The following PDP2 variants were observed in gnomAD, a reference collection of about 807,000 sequenced individuals.
PDP2 encodes [Pyruvate dehydrogenase [acetyl-transferring]]-phosphatase 2, mitochondrial.
In PDP2, 23 loss-of-function variants were observed where a neutral mutation model predicts 34.2. The observed-to-expected ratio is 0.67, with a 90% CI of 0.48 to 0.95. PDP2 has a LOEUF of 0.95. Ranked by LOEUF, PDP2 falls within the 40% of genes least tolerant of loss-of-function variation. The pLI is 0.00. For missense variants in PDP2, 571 were observed against 659.6 expected (o/e 0.87, Z 1.47); for synonymous variants, 275 against 269.2 (o/e 1.02, Z -0.21).
At chr16:66,881,159 G>A (rs9925842) in intron 1 of PDP2, among the ~76,000 whole-genome samples, 43,248 of 152,056 alleles carry the variant, frequency 0.28, 10,771 homozygotes, top group African/African-American at 0.68. Context: ...AAGGATGCAA[G>A]AGGGTTTGCG....
At position 66,884,503 on chromosome 16, in the gene PDP2, T is replaced by C. The variant is rs751782211; in HGVS notation, c.219T>C (p.Phe73=). ...ACACATCAACAGAGGAAGATGATTT[T>C]CACTTGCAACTCAGCCCTGAGCAGA... The part of the protein sequence containing the change: ...YRHTSTEEDD[F]HLQLSPEQIN... The change falls in exon 2 of 2, where the codon TTT becomes TTC. Residue 73 remains phenylalanine (F), a synonymous_variant. Transcript: ENST00000311765. 3 of 1,614,108 alleles carry C rather than the reference T, an allele frequency of 1.9e-6. No individual in the cohort carries two copies. The Admixed American group carries it at 5.0e-5, about 27-fold the overall frequency.
At chr16:66,881,476 C>G (rs1030461070) in intron 1 of PDP2, among the ~76,000 whole-genome samples, 2 of 137,428 alleles carry the variant, frequency 1.5e-5, no homozygotes, top group Non-Finnish European at 3.1e-5. Flanking sequence ...TATTATATTC[C>G]AAGGAAAAGT....
intron 1 of PDP2, among the ~76,000 whole-genome samples, chr16:66,883,913 G>T (rs1050879919): frequency 1.3e-5 from 2 of 152,008 alleles, no homozygotes; most frequent in South Asian, 4.2e-4. Context: ...TTTGGCTCAC[G>T]CCTGTAATCC....
rs2145422246 is a variant in PDP2 at position 66,887,936 on chromosome 16, G to T, written c.*2062G>T. 7.1e-6 allele frequency: 1 copy of T among 140,940 alleles called. No homozygotes were observed. Among genetic ancestry groups the T allele is most frequent in the Admixed American group, 7.1e-5 (1 of 14,130 alleles). 8.7% of individuals were successfully genotyped at this position (140,940 alleles called of 1,614,324 possible). On this transcript the variant is annotated 3_prime_UTR_variant, in exon 2 of 2. Transcript: ENST00000311765. ...CATTGCACTCCAGCCTGGGCAACAAGAGTGAAACTCTGTCTCAAAAAAAAA... is the reference window on the plus strand; with the variant it reads ...CATTGCACTCCAGCCTGGGCAACAATAGTGAAACTCTGTCTCAAAAAAAAA...
Position 66,890,986 on chromosome 16 carries a change from T to G in PDP2, c.*5112T>G, listed in dbSNP as rs1961975554. 1 of 152,234 alleles carries G rather than the reference T, an allele frequency of 6.6e-6. No individual in the cohort carries two copies. The highest frequency in any genetic ancestry group is 1.5e-5 in the Non-Finnish European group (1 of 68,042). The allele number at this position is 152,234 out of a possible 1,614,324, so 9.4% of individuals were successfully genotyped here. A position where few individuals can be genotyped will look rare whatever the true frequency, so the allele number is the denominator to read the frequency against. On this transcript the variant is annotated 3_prime_UTR_variant, in exon 2 of 2. Coordinates refer to ENST00000311765, the MANE Select transcript of PDP2 (RefSeq NM_020786.4). ...TTACTTGGAACAATGATTAATCATG[T>G]TCTTTAATAATTGCTGACATTTGTA...
Position 66,889,666 on chromosome 16 carries a change from A to G in PDP2, c.*3792A>G, listed in dbSNP as rs1270015488. 6.6e-6 allele frequency: 1 copy of G among 152,106 alleles called. No homozygotes were observed. Among genetic ancestry groups the G allele is most frequent in the Non-Finnish European group, 1.5e-5 (1 of 68,038 alleles). 9.4% of individuals were successfully genotyped at this position (152,106 alleles called of 1,614,324 possible). ...CTTGGTAAAAATGGATAGATAAGAT[A>G]GTATTCTAAATTCAAATTCGTGGCT... On this transcript the variant is annotated 3_prime_UTR_variant, in exon 2 of 2. Coordinates refer to ENST00000311765, the MANE Select transcript of PDP2 (RefSeq NM_020786.4).
At position 66,885,704 on chromosome 16, in the gene PDP2, C is replaced by A. The variant is rs184769043; in HGVS notation, c.1420C>A (p.Leu474Met). ...GGCTGACCAAAATGCAGCCACGCGG[C>A]TGATCAGACATGCCATCGGGAACAA... Reference protein sequence around the residue: ...HEADQNAATRLIRHAIGNNEY... With the variant: ...HEADQNAATRMIRHAIGNNEY... The change falls in exon 2 of 2, where the codon CTG (leucine) becomes ATG (methionine). Residue 474 changes from leucine to methionine, a missense_variant. Coordinates refer to ENST00000311765, the MANE Select transcript of PDP2 (RefSeq NM_020786.4). The surrounding 1 kb of genome is among the most constrained non-coding windows in gnomAD (Gnocchi z 4.6). The A allele has an allele frequency of 1.9e-6, 3 of 1,614,042 alleles. No individual in the cohort carries two copies. In the East Asian group the frequency reaches 6.7e-5, roughly 36 times the overall value.
rs1961961840 is a variant in PDP2, at chr16:66,890,593, A to T, written c.*4719A>T. The T allele has an allele frequency of 6.6e-6, 1 of 152,188 alleles. No individual in the cohort carries two copies. Among genetic ancestry groups the T allele is most frequent in the Admixed American group, 6.5e-5 (1 of 15,274 alleles). The allele number at this position is 152,188 out of a possible 1,614,324, so 9.4% of individuals were successfully genotyped here. On this transcript the variant is annotated 3_prime_UTR_variant, in exon 2 of 2. Coordinates refer to ENST00000311765, the MANE Select transcript of PDP2 (RefSeq NM_020786.4). ...ATTAATTATACAGAACAAAACAAAG[A>T]TGTGTTTAGAGTGACTCTGGCCTGA...
rs1488332519 is a variant in PDP2, at chr16:66,889,675, A to C, written c.*3801A>C. ...AATGGATAGATAAGATAGTATTCTA[A>C]ATTCAAATTCGTGGCTAGGCACAGT... On this transcript the variant is annotated 3_prime_UTR_variant, in exon 2 of 2. Transcript: ENST00000311765. 2.6e-5 allele frequency: 4 copies of C among 152,074 alleles called. No homozygotes were observed. The highest frequency in any genetic ancestry group is 4.8e-5 in the African/African-American group (2 of 41,376). The allele number at this position is 152,074 out of a possible 1,614,324, so 9.4% of individuals were successfully genotyped here. A position where few individuals can be genotyped will look rare whatever the true frequency, so the allele number is the denominator to read the frequency against.
At position 66,889,198 on chromosome 16, in the gene PDP2, A is replaced by T. The variant is rs1961905699; in HGVS notation, c.*3324A>T. On this transcript the variant is annotated 3_prime_UTR_variant, in exon 2 of 2. Transcript: ENST00000311765. ...AATGAACTGAAAAATGAGATTGAAC[A>T]TTTAATATTTTGGATGTAACTTTTG... 6.6e-6 allele frequency: 1 copy of T among 152,250 alleles called. No homozygotes were observed. Among genetic ancestry groups the T allele is most frequent in the African/African-American group, 2.4e-5 (1 of 41,460 alleles). The allele number at this position is 152,250 out of a possible 1,614,324, so 9.4% of individuals were successfully genotyped here.
chr16:66,885,300 T>A lies in PDP2; in HGVS notation c.1016T>A (p.Leu339Gln). ...ACGATCATCATGGAGGACAGGCTAC[T>A]GGGCGTCCTCATCCCCTGCAGGGCC... is the stretch of plus-strand genomic sequence containing the variant. ...DRTIIMEDRL[L>Q]GVLIPCRAFG... The change falls in exon 2 of 2, where the codon CTG (leucine) becomes CAG (glutamine). Residue 339 changes from leucine to glutamine, a missense_variant. By Grantham distance (113) the Leu-to-Gln change is moderately radical. Transcript: ENST00000311765. This position sits in a 1 kb window ranked among gnomAD's most constrained non-coding sequence, Gnocchi z 4.6. 1.2e-6 allele frequency: 2 copies of A among 1,614,126 alleles called. No individual in the cohort carries two copies. The highest frequency in any genetic ancestry group is 1.7e-6 in the Non-Finnish European group (2 of 1,179,994).
At chr16:66,882,653 A>G (rs1028088285) in intron 1 of PDP2, among the ~76,000 whole-genome samples, 1 of 152,078 alleles carries the variant, frequency 6.6e-6, no homozygotes, top group African/African-American at 2.4e-5. Context: ...GCTACACAAG[A>G]TAGTATCACA....
rs144226402 is a variant in PDP2, at chr16:66,886,972, T to G, written c.*1098T>G. Reference sequence around the variant, plus strand: ...CAGGTTAATTTAGCGGATTGTGGACTTAAGATTCAACCTCTATCTGGAGAG... The same window carrying G: ...CAGGTTAATTTAGCGGATTGTGGACGTAAGATTCAACCTCTATCTGGAGAG... On this transcript the variant is annotated 3_prime_UTR_variant, in exon 2 of 2. Transcript: ENST00000311765. 240 of 169,564 alleles carry G rather than the reference T, an allele frequency of 1.4e-3. No homozygotes were observed. Among genetic ancestry groups the G allele is most frequent in the Middle Eastern group, 6.7e-3 (2 of 300 alleles). 10.5% of individuals were successfully genotyped at this position (169,564 alleles called of 1,614,324 possible). A position where few individuals can be genotyped will look rare whatever the true frequency, so the allele number is the denominator to read the frequency against.
At position 66,884,859 on chromosome 16, in the gene PDP2, A is replaced by T; in HGVS notation, c.575A>T (p.His192Leu). 1 of 1,613,972 alleles carries T rather than the reference A, an allele frequency of 6.2e-7. No individual in the cohort carries two copies. The highest frequency in any genetic ancestry group is 8.5e-7 in the Non-Finnish European group (1 of 1,179,940). The change falls in exon 2 of 2, where the codon CAC becomes CTC. Residue 192 changes from histidine to leucine, a missense_variant. His to Leu is a moderately conservative substitution (Grantham distance 99). Around this residue, in one of 2 missense-constraint regions of PDP2, gnomAD observed 290 missense variants for 283.8 expected, o/e 1.02. Transcript: ENST00000311765. Reference sequence around the variant, plus strand: ...CTGCCCATCCTGCATTGGCTCAAGCACCCAGGGGACAGTATCTACAAGGAT... The same window carrying T: ...CTGCCCATCCTGCATTGGCTCAAGCTCCCAGGGGACAGTATCTACAAGGAT... ...PLLPILHWLK[H>L]PGDSIYKDVT...
chr16:66,884,453 T>C lies in PDP2; in HGVS notation c.169T>C (p.Phe57Leu), dbSNP rs377674053. The C allele has an allele frequency of 2.5e-6, 4 of 1,614,050 alleles. No homozygotes were observed. The African/African-American group carries it at 5.3e-5, about 22-fold the overall frequency. Residue 57 changes from phenylalanine to leucine, a missense_variant, in exon 2 of 2, where the codon TTT (phenylalanine) becomes CTT (leucine). By Grantham distance (22) the Phe-to-Leu change is conservative. Coordinates refer to ENST00000311765, the MANE Select transcript of PDP2 (RefSeq NM_020786.4). ...PTLNSSPCGG[F>L]TLCKAYRHTS... Reference sequence around the variant, plus strand: ...CCTAAACAGTTCCCCATGTGGTGGCTTTACTCTGTGCAAAGCCTACAGACA... The same window carrying C: ...CCTAAACAGTTCCCCATGTGGTGGCCTTACTCTGTGCAAAGCCTACAGACA...
At position 66,884,219 on chromosome 16, in the gene PDP2, T is replaced by C; in HGVS notation, c.-54-12T>C. On this transcript the variant is annotated splice_polypyrimidine_tract_variant and intron_variant, in intron 1 of 1. Transcript: ENST00000311765. ...GAAATTAAATTTGAAACTTCAACTT[T>C]TTAATTTTTAGGTTTAAAAATATCC... is the stretch of plus-strand genomic sequence containing the variant. 2 of 1,415,874 alleles carry C rather than the reference T, an allele frequency of 1.4e-6. No homozygotes were observed. Among genetic ancestry groups the C allele is most frequent in the Non-Finnish European group, 1.9e-6 (2 of 1,049,724 alleles). The allele number at this position is 1,415,874 out of a possible 1,614,324, so 87.7% of individuals were successfully genotyped here. A position where few individuals can be genotyped will look rare whatever the true frequency, so the allele number is the denominator to read the frequency against.
Position 66,884,929 on chromosome 16 carries a change from A to G in PDP2, c.645A>G (p.Glu215=). Residue 215 remains glutamate (E), a synonymous_variant, in exon 2 of 2, where the codon GAA becomes GAG. Coordinates refer to ENST00000311765, the MANE Select transcript of PDP2 (RefSeq NM_020786.4). The part of the protein sequence containing the change: ...HLDHLRVYWQ[E]LLDLHMEMGL... ...ACCACCTCCGTGTCTATTGGCAGGA[A>G]CTGCTTGATTTGCACATGGAAATGG... 7 of 1,614,088 alleles carry G rather than the reference A, an allele frequency of 4.3e-6. No individual in the cohort carries two copies. Among genetic ancestry groups the G allele is most frequent in the Non-Finnish European group, 5.1e-6 (6 of 1,180,012 alleles).
intron 1 of PDP2, chr16:66,880,848 T>TGC (rs1961484835): frequency 6.6e-6 from 1 of 152,274 alleles, no homozygotes; most frequent in Non-Finnish European, 1.5e-5. Flanking sequence ...CCCACTCACG[T>TGC]GCGCGCGCCA....
intron 1 of PDP2, among the ~76,000 whole-genome samples, chr16:66,881,233 C>T (rs1596939388): frequency 1.3e-5 from 2 of 152,110 alleles, no homozygotes; most frequent in Admixed American, 6.5e-5. Context: ...GAGCGTCAGG[C>T]GCCCTCTGCT....
Sources: gnomAD v4.1 joint callset for allele counts (sites outside exome capture counted in the v4.1 genomes callset) on GRCh38, gnomAD v4.1.1 for gene constraint, gnomAD v4.1.1 regional missense constraint, Gnocchi (gnomAD v3.1) non-coding constraint, MANE v1.5 for transcripts, NCBI Gene and HGNC (gene_info 2026-07-23, HGNC 2026-07-21) for gene names.